The following TTLL5 variants were observed in gnomAD, a reference collection of about 807,000 sequenced individuals.
TTLL5 encodes the protein tubulin tyrosine ligase like 5, also known as tubulin polyglutamylase TTLL5.
TTLL5 carries 132 observed loss-of-function variants against 168.4 expected under a neutral mutation model. The ratio of observed to expected loss-of-function variants is 0.78; its 90% CI spans 0.68 to 0.91. TTLL5 has a LOEUF of 0.91. Among genes scored for constraint, TTLL5 ranks in the 40% least tolerant of loss-of-function variants. TTLL5 has a pLI of 0.00. For missense variants in TTLL5, 1,545 were observed against 1,581.5 expected (o/e 0.98, Z 0.39); for synonymous variants, 546 against 558.6 (o/e 0.98, Z 0.32).
chr14:75,783,655 T>C, intron 26 of TTLL5, 125 bp downstream of exon 26: 2 of 1,305,924 alleles, frequency 1.5e-6, no homozygotes, highest in Non-Finnish European at 2.1e-6. Context: ...CACACTGCAT[T>C]GTTCTGACGT....
chr14:75,841,122 T>A (rs1896209762), intron 28 of TTLL5, among the ~76,000 whole-genome samples: 1 of 152,132 alleles, frequency 6.6e-6, no homozygotes, highest in African/African-American at 2.4e-5. Flanking sequence ...GCCTGAGGGA[T>A]CCACCCCCAT....
At chr14:75,863,181 T>C (rs1162299065) in intron 28 of TTLL5, among the ~76,000 whole-genome samples, 4 of 152,172 alleles carry the variant, frequency 2.6e-5, no homozygotes, top group Non-Finnish European at 5.9e-5. Flanking sequence ...TATAAACAAC[T>C]TCTAAAAAAT....
At chr14:75,700,671 C>T (rs927580254) in intron 7 of TTLL5, among the ~76,000 whole-genome samples, 6 of 152,168 alleles carry the variant, frequency 3.9e-5, no homozygotes, top group East Asian at 1.9e-4. Context: ...CCCTCTTCCA[C>T]GTGTACTTTA....
intron 6 of TTLL5, among the ~76,000 whole-genome samples, chr14:75,696,461 T>A (rs1355741723): frequency 1.3e-5 from 2 of 152,232 alleles, no homozygotes; most frequent in East Asian, 3.8e-4. Flanking sequence ...TCAGGCATTC[T>A]GTTCAGTCTG....
rs1329437385 is a variant in TTLL5, at chr14:75,820,176, C to G, written c.3326+15C>G. 6.4e-7 allele frequency: 1 copy of G among 1,558,918 alleles called. No individual in the cohort carries two copies. Among genetic ancestry groups the G allele is most frequent in the Admixed American group, 2.0e-5 (1 of 50,134 alleles). On this transcript the variant is annotated intron_variant, in intron 28 of 31. Coordinates refer to ENST00000298832, the MANE Select transcript of TTLL5 (RefSeq NM_015072.5). The stretch of plus-strand genomic sequence containing the variant: ...CCTGGAAGCAGGTATGTGAAGGGCC[C>G]TGCAACTAGCATTTGGGTTACTCAG...
intron 28 of TTLL5, among the ~76,000 whole-genome samples, chr14:75,843,770 C>T (rs1194859607): frequency 6.6e-6 from 1 of 152,146 alleles, no homozygotes; most frequent in Non-Finnish European, 1.5e-5. Flanking sequence ...TGGCATACAA[C>T]TGAAATGGAA....
chr14:75,672,391 G>A (rs1375305989), intron 3 of TTLL5, among the ~76,000 whole-genome samples: 3 of 151,858 alleles, frequency 2.0e-5, no homozygotes, highest in Admixed American at 6.6e-5. Context: ...GATTATAGGC[G>A]TCCACCACCA....
At chr14:75,707,566 T>C (rs2140172985) in intron 8 of TTLL5, 57 bp from the exon 9 acceptor site, 4 of 1,506,682 alleles carry the variant, frequency 2.7e-6, no homozygotes, top group Middle Eastern at 3.5e-4. Context: ...GTTTATTCTG[T>C]AACAGGAAAC....
At chr14:75,690,366 C>G (rs1251797250) in intron 6 of TTLL5, 44 bp downstream of exon 6, 17 of 1,554,370 alleles carry the variant, frequency 1.1e-5, no homozygotes, top group Non-Finnish European at 1.5e-5. Flanking sequence ...GCAACTGAAC[C>G]TGGGGAATAT....
At chr14:75,674,707 T>G (rs1332767640) in intron 3 of TTLL5, among the ~76,000 whole-genome samples, 3 of 152,178 alleles carry the variant, frequency 2.0e-5, no homozygotes, top group African/African-American at 2.4e-5. Flanking sequence ...TTTTCTGTAA[T>G]TTGTCCCTGA....
chr14:75,918,494 CTACTAG>C (rs1275449686), intron 31 of TTLL5, among the ~76,000 whole-genome samples: 1 of 152,098 alleles, frequency 6.6e-6, no homozygotes, highest in Non-Finnish European at 1.5e-5. Flanking sequence ...CCAGTCCTGT[CTACTAG>C]TACATGGAGT....
intron 27 of TTLL5, among the ~76,000 whole-genome samples, chr14:75,803,645 A>G (rs1893470718): frequency 6.6e-6 from 1 of 152,136 alleles, no homozygotes; most frequent in Non-Finnish European, 1.5e-5. Context: ...TTTTTTGGAA[A>G]TCTATGTGTA....
At chr14:75,739,157 T>C (rs994668428) in intron 15 of TTLL5, among the ~76,000 whole-genome samples, 4 of 152,104 alleles carry the variant, frequency 2.6e-5, no homozygotes, top group African/African-American at 9.7e-5. Context: ...TTTAATTCCA[T>C]TACATCTAGT....
intron 29 of TTLL5, among the ~76,000 whole-genome samples, chr14:75,872,085 C>T (rs2884861): frequency 0.85 from 129,961 of 152,266 alleles, 55,519 homozygotes; most frequent in East Asian, 0.92. Context: ...GCAGACCTAT[C>T]TTTATTTAGC....
chr14:75,931,332 T>C (rs1566666050), intron 31 of TTLL5, among the ~76,000 whole-genome samples: 1 of 152,328 alleles, frequency 6.6e-6, no homozygotes, highest in East Asian at 1.9e-4. Context: ...CCTGTTCACC[T>C]TCATTAGAGG....
intron 31 of TTLL5, among the ~76,000 whole-genome samples, chr14:75,928,335 A>G: frequency 8.1e-6 from 1 of 122,892 alleles, no homozygotes; most frequent in East Asian, 2.4e-4. Context: ...TGAATGAATG[A>G]CAAAAACATA....
At chr14:75,913,857 T>G (rs1163549916) in intron 31 of TTLL5, among the ~76,000 whole-genome samples, 1 of 150,576 alleles carries the variant, frequency 6.6e-6, no homozygotes, top group African/African-American at 2.5e-5. Flanking sequence ...CTATTAAAAA[T>G]ACAAAAATTA....
At chr14:75,948,236 G>A (rs1486861870) in intron 31 of TTLL5, among the ~76,000 whole-genome samples, 1 of 152,140 alleles carries the variant, frequency 6.6e-6, no homozygotes, top group Admixed American at 6.5e-5. Context: ...TGTAACCCCT[G>A]CGCTTTGGGA....
intron 29 of TTLL5, among the ~76,000 whole-genome samples, chr14:75,874,282 C>T (rs1471019297): frequency 2.6e-5 from 4 of 151,920 alleles, no homozygotes; most frequent in Admixed American, 1.3e-4. Flanking sequence ...TTAGTAGAGG[C>T]GGGGTTTCAA....
Sources: allele counts gnomAD v4.1 joint callset (sites outside exome capture counted in the v4.1 genomes callset), GRCh38; gene constraint gnomAD v4.1.1; transcripts MANE v1.5; gene names NCBI Gene and HGNC (gene_info 2026-07-23, HGNC 2026-07-21).